MASP1: variants seen among roughly 807,000 people sequenced by gnomAD.
MASP1 encodes the protein mannan-binding lectin serine protease 1.
A neutral mutation model predicts 77.1 loss-of-function variants in MASP1; 59 were observed. That is an observed-to-expected ratio of 0.77 (90% CI 0.62 to 0.95). The LOEUF (loss-of-function observed/expected upper bound fraction) is 0.95, where lower values mean the gene tolerates loss of function less well. Among genes scored for constraint, MASP1 ranks in the 40% least tolerant of loss-of-function variants. The pLI is 0.00. For synonymous variants in MASP1, 362 were observed against 354.5 expected (o/e 1.02, Z -0.24); for missense variants, 885 against 912.9 (o/e 0.97, Z 0.39).
rs1322486229 is a variant in MASP1 at position 187,241,776 on chromosome 3, A to G, written c.1229-221T>C. ...TGGGATACAATCCTCCAAAGGGACC[A>G]ATTAACCTCCAAATATCTTCAAATA... On this transcript the variant is annotated intron_variant, in intron 9 of 10. Transcript: ENST00000296280. 4.5e-5 allele frequency: 22 copies of G among 487,212 alleles called. No homozygotes were observed. The Admixed American group carries it at 6.5e-4, about 14-fold the overall frequency. 30.2% of individuals were successfully genotyped at this position (487,212 alleles called of 1,614,324 possible).
Position 187,235,063 on chromosome 3 carries a change from G to A in MASP1, c.*621C>T. On this transcript the variant is annotated 3_prime_UTR_variant, in exon 11 of 11. Transcript: ENST00000296280. Reference sequence around the variant, plus strand: ...AATTCCTTTAATGGGGAACATAAGGGATAAGGCTTAGACTGCAAGAAGCTT... The same window carrying A: ...AATTCCTTTAATGGGGAACATAAGGAATAAGGCTTAGACTGCAAGAAGCTT... 1 of 1,287,286 alleles carries A rather than the reference G, an allele frequency of 7.8e-7. No homozygotes were observed. Among genetic ancestry groups the A allele is most frequent in the Non-Finnish European group, 1.0e-6 (1 of 988,724 alleles). The allele number at this position is 1,287,286 out of a possible 1,614,324, so 79.7% of individuals were successfully genotyped here. A position where few individuals can be genotyped will look rare whatever the true frequency, so the allele number is the denominator to read the frequency against.
rs758909571 is a variant in MASP1, at chr3:187,235,976, GT to G, written c.1894del (p.Thr632LeufsTer43). 6.2e-7 allele frequency: 1 copy of G among 1,614,122 alleles called. No homozygotes were observed. The highest frequency in any genetic ancestry group is 1.3e-5 in the African/African-American group (1 of 74,942). On this transcript the variant is annotated frameshift_variant, in exon 11 of 11. Coordinates refer to ENST00000296280, the MANE Select transcript of MASP1 (RefSeq NM_139125.4). LOFTEE classifies it high-confidence loss of function. Reference protein sequence around the residue: ...LPVVPHAECKTSYESRSGNYS... With the variant: ...LPVVPHAECKXSYESRSGNYS... ...ATTGCCCGAGCGGGACTCATAGCTAGTTTTGCACTCAGCGTGAGGCACCACG... is the reference window on the plus strand; with the variant it reads ...ATTGCCCGAGCGGGACTCATAGCTAGTTTGCACTCAGCGTGAGGCACCACG...
chr3:187,240,615 G>A (rs1435512037), intron 10 of MASP1, among the ~76,000 whole-genome samples: 1 of 152,040 alleles, frequency 6.6e-6, no homozygotes, highest in East Asian at 1.9e-4. Flanking sequence ...TGATTGCAAT[G>A]CAAATCACCC....
exon 16 of MASP1, chr3:187,217,487 T>G (rs1711835752): frequency 6.6e-6 from 1 of 152,304 alleles, no homozygotes; most frequent in African/African-American, 2.4e-5. Context: ...AGGCAGCACA[T>G]TTAAAACATT....
chr3:187,225,880 GTTC>G (rs1036959973), intron 12 of MASP1, among the ~76,000 whole-genome samples: 20 of 152,290 alleles, frequency 1.3e-4, no homozygotes, highest in African/African-American at 4.3e-4. Flanking sequence ...CATTTTATCT[GTTC>G]TTCTTCTACA....
At chr3:187,225,335 G>C (rs1397165846) in exon 13 of MASP1, 4 of 1,613,088 alleles carry the variant, frequency 2.5e-6, no homozygotes, top group Non-Finnish European at 3.4e-6. Context: ...TTCCTGCTGG[G>C]GTCCCTCAGG....
Position 187,234,942 on chromosome 3 carries a change from T to C in MASP1, c.*742A>G. 7.8e-7 allele frequency: 1 copy of C among 1,287,184 alleles called. No homozygotes were observed. Among genetic ancestry groups the C allele is most frequent in the South Asian group, 1.2e-5 (1 of 80,938 alleles). 79.7% of individuals were successfully genotyped at this position (1,287,184 alleles called of 1,614,324 possible). ...CATATGGGCCCAAATGTGTTCTGAG[T>C]TGACAATGGGAATTTAAGGGCTTGG... On this transcript the variant is annotated 3_prime_UTR_variant, in exon 11 of 11. Transcript: ENST00000296280.
intron 2 of MASP1, among the ~76,000 whole-genome samples, chr3:187,285,518 G>A (rs1402611644): frequency 6.6e-6 from 1 of 151,794 alleles, no homozygotes; most frequent in African/African-American, 2.4e-5. Context: ...TTTTCTGCTT[G>A]TTGAATTAAA....
intron 9 of MASP1, chr3:187,243,039 C>G: frequency 3.6e-6 from 1 of 280,042 alleles, no homozygotes; most frequent in Non-Finnish European, 6.9e-6. Flanking sequence ...TTGCCCTCAC[C>G]CAGAAGCCAA....
downstream of MASP1, chr3:187,229,775 C>T (rs140743904): frequency 9.5e-5 from 154 of 1,614,000 alleles, no homozygotes; most frequent in East Asian, 8.5e-4. Flanking sequence ...AGGGAGCCTC[C>T]GCAGAAGGGC....
intron 2 of MASP1, among the ~76,000 whole-genome samples, chr3:187,280,690 A>G (rs1330712342): frequency 1.3e-5 from 2 of 152,218 alleles, no homozygotes; most frequent in Admixed American, 1.3e-4. Flanking sequence ...TATTTGTCTT[A>G]TGTTACAACA....
intron 10 of MASP1, among the ~76,000 whole-genome samples, chr3:187,240,482 A>G (rs3774270): frequency 6.6e-6 from 1 of 150,578 alleles, no homozygotes; most frequent in African/African-American, 2.5e-5. Flanking sequence ...GCTTTTTTTT[A>G]AAAAAAATGT....
At chr3:187,219,926 A>C (rs1178656782) in exon 16 of MASP1, 5 of 788,262 alleles carry the variant, frequency 6.3e-6, no homozygotes, top group African/African-American at 1.7e-5. Flanking sequence ...AAGGGGGTGA[A>C]GATACCTGCT....
At chr3:187,276,241 A>G (rs1349462068) in intron 2 of MASP1, among the ~76,000 whole-genome samples, 1 of 152,112 alleles carries the variant, frequency 6.6e-6, no homozygotes, top group Non-Finnish European at 1.5e-5. Flanking sequence ...GCCCTGCTCT[A>G]TTTTATTTTT....
At chr3:187,282,738 C>T (rs941769279) in intron 2 of MASP1, among the ~76,000 whole-genome samples, 2 of 152,124 alleles carry the variant, frequency 1.3e-5, no homozygotes, top group Admixed American at 6.5e-5. Context: ...CTGCTGGTGC[C>T]CCACGGCTGT....
chr3:187,236,630 G>A (rs1713216106), intron 10 of MASP1, 63 bp from the exon 11 acceptor site: 1 of 1,612,402 alleles, frequency 6.2e-7, no homozygotes, highest in Non-Finnish European at 8.5e-7. Flanking sequence ...CCATGTGACA[G>A]GAGCCACAAA....
chr3:187,265,110 T>C (rs562184671), intron 2 of MASP1, among the ~76,000 whole-genome samples: 3 of 152,272 alleles, frequency 2.0e-5, no homozygotes, highest in South Asian at 2.1e-4. Context: ...CAAATCATCA[T>C]AGTCATATAT....
chr3:187,225,587 C>G (rs937759027), intron 12 of MASP1: 2 of 1,405,368 alleles, frequency 1.4e-6, no homozygotes, highest in Admixed American at 3.4e-5. Context: ...AGCCCCCGCC[C>G]CAGCCCCATC....
chr3:187,237,153 A>G (rs1713254068), intron 10 of MASP1, among the ~76,000 whole-genome samples: 1 of 152,140 alleles, frequency 6.6e-6, no homozygotes, highest in South Asian at 2.1e-4. Context: ...CTGGATTTCA[A>G]TTTTTGATCT....
Sources: gnomAD v4.1 joint callset for allele counts (sites outside exome capture counted in the v4.1 genomes callset) on GRCh38, gnomAD v4.1.1 for gene constraint, MANE v1.5 for transcripts, NCBI Gene and HGNC (gene_info 2026-07-23, HGNC 2026-07-21) for gene names.